The following WWOX variants were observed in gnomAD, a reference collection of about 807,000 sequenced individuals.
WWOX encodes the protein WW domain containing oxidoreductase.
WWOX carries 69 observed loss-of-function variants against 46.2 expected under a neutral mutation model. That is an observed-to-expected ratio of 1.49 (90% CI 1.23 to 1.82). The LOEUF is 1.82. WWOX is among the 40% of genes most tolerant of loss of function. WWOX has a pLI of 0.00. For synonymous variants in WWOX, 359 were observed against 202.6 expected (o/e 1.77, Z -6.56); for missense variants, 919 against 542.6 (o/e 1.69, Z -6.89).
At chr16:78,642,027 G>A (rs1040191273) in intron 8 of WWOX, among the ~76,000 whole-genome samples, 3 of 152,114 alleles carry the variant, frequency 2.0e-5, no homozygotes, top group Non-Finnish European at 2.9e-5. Context: ...AAACAGCAAC[G>A]AGTTTATTGG....
rs111277365 is a variant in WWOX at position 78,808,128 on chromosome 16, A to T, written c.1056+375376A>T. ...GGCCCAAGCAACCAGGACTCCCTGT[A>T]GTCAACCCCACTCCTCAATTTTTGG... On this transcript the variant is annotated intron_variant, in intron 8 of 8. Coordinates refer to ENST00000566780, the MANE Select transcript of WWOX (RefSeq NM_016373.4). 3.4e-3 allele frequency among the ~76,000 whole-genome samples: 518 copies of T among 152,304 alleles called. 2 individuals are homozygous for T. The highest frequency in any genetic ancestry group is 5.7e-3 in the Non-Finnish European group (387 of 68,018).
chr16:78,573,774 C>T (rs1026806857), intron 8 of WWOX, among the ~76,000 whole-genome samples: 1 of 152,062 alleles, frequency 6.6e-6, no homozygotes, highest in Admixed American at 6.5e-5. Flanking sequence ...TGCTCATTCT[C>T]GATCTCCACT....
chr16:78,932,405 G>A (rs1397651310), intron 8 of WWOX, among the ~76,000 whole-genome samples: 1 of 152,194 alleles, frequency 6.6e-6, no homozygotes, highest in African/African-American at 2.4e-5. Flanking sequence ...GCCTATGCCT[G>A]GATAAGAACA....
At chr16:78,706,234 C>T (rs915226667) in intron 8 of WWOX, among the ~76,000 whole-genome samples, 8 of 152,022 alleles carry the variant, frequency 5.3e-5, no homozygotes, top group Admixed American at 4.6e-4. Flanking sequence ...TTTTTAGATT[C>T]ACTTTTTCCT....
chr16:78,403,856 G>A lies in WWOX; in HGVS notation c.605+16908G>A, dbSNP rs553381175. ...TACTTTTGACTTCTTAGCCATGGAT[G>A]TGTTTGAAGGCTGCATGGACCTTCA... On this transcript the variant is annotated intron_variant, in intron 6 of 8. Coordinates refer to ENST00000566780, the MANE Select transcript of WWOX (RefSeq NM_016373.4). Among the ~76,000 whole-genome samples, 3 of 152,328 alleles carry A rather than the reference G, an allele frequency of 2.0e-5. No homozygotes were observed. In the South Asian group the frequency reaches 6.2e-4, roughly 32 times the overall value.
At chr16:78,686,892 T>G (rs183137482) in intron 8 of WWOX, among the ~76,000 whole-genome samples, 14 of 152,316 alleles carry the variant, frequency 9.2e-5, no homozygotes, top group Non-Finnish European at 1.6e-4. Flanking sequence ...ATTTTTCTGT[T>G]GACTGTGCAT....
chr16:78,285,382 T>C (rs1232410756), intron 5 of WWOX, among the ~76,000 whole-genome samples: 1 of 151,988 alleles, frequency 6.6e-6, no homozygotes, highest in Non-Finnish European at 1.5e-5. Context: ...AAGTTCAACA[T>C]TATAGTGAGC....
chr16:78,556,745 T>C (rs931807846), intron 8 of WWOX, among the ~76,000 whole-genome samples: 1 of 152,158 alleles, frequency 6.6e-6, no homozygotes. Context: ...AGATGGACTT[T>C]CGCTTTTTTG....
intron 8 of WWOX, among the ~76,000 whole-genome samples, chr16:78,751,461 T>TATA (rs1555528822): frequency 1.6e-3 from 208 of 128,424 alleles, no homozygotes; most frequent in African/African-American, 5.7e-3. Flanking sequence ...TTATCAGATT[T>TATA]TATATATATA....
At chr16:79,158,333 A>G (rs2050421656) in intron 8 of WWOX, among the ~76,000 whole-genome samples, 1 of 152,218 alleles carries the variant, frequency 6.6e-6, no homozygotes, top group Non-Finnish European at 1.5e-5. Context: ...TTTCAGGTGG[A>G]AAAATCACAC....
In WWOX at chr16:78,708,322, T is replaced by C. The variant is rs1263045833; in HGVS notation, c.1056+275570T>C. ...AAAAATTTTCTTTGGGATATACTTC[T>C]AAGAAATGATTTGTTGTTTATGTGA... On this transcript the variant is annotated intron_variant, in intron 8 of 8. Transcript: ENST00000566780. Among the ~76,000 whole-genome samples the C allele has an allele frequency of 3.3e-5, 5 of 152,218 alleles. No homozygotes were observed. In the East Asian group the frequency reaches 9.6e-4, roughly 29 times the overall value.
intron 8 of WWOX, among the ~76,000 whole-genome samples, chr16:79,078,469 C>T (rs1250576904): frequency 1.3e-5 from 2 of 152,124 alleles, no homozygotes; most frequent in South Asian, 2.1e-4. Flanking sequence ...AGGAGAGTCC[C>T]TTGAATGCCA....
chr16:78,133,547 C>T (rs1393614413), intron 4 of WWOX, among the ~76,000 whole-genome samples: 1 of 152,208 alleles, frequency 6.6e-6, no homozygotes, highest in Admixed American at 6.5e-5. Context: ...AGGCTCACGC[C>T]ACCATGCCTA....
intron 8 of WWOX, among the ~76,000 whole-genome samples, chr16:78,712,844 G>A (rs2048472785): frequency 6.6e-6 from 1 of 152,148 alleles, no homozygotes; most frequent in Non-Finnish European, 1.5e-5. Context: ...AAATGTTCAT[G>A]TTAAATTATT....
intron 4 of WWOX, among the ~76,000 whole-genome samples, chr16:78,120,762 C>A (rs551792966): frequency 2.1e-4 from 32 of 152,186 alleles, no homozygotes; most frequent in African/African-American, 7.0e-4. Context: ...ATTGTCACCA[C>A]GATGAATTCA....
chr16:78,624,311 C>G (rs897371082), intron 8 of WWOX, among the ~76,000 whole-genome samples: 29 of 151,640 alleles, frequency 1.9e-4, no homozygotes, highest in African/African-American at 6.8e-4. Flanking sequence ...AGGGGCTCTG[C>G]AAAGTTTCTC....
At chr16:78,435,099 T>C (rs2083304352) in intron 8 of WWOX, among the ~76,000 whole-genome samples, 2 of 152,174 alleles carry the variant, frequency 1.3e-5, no homozygotes, top group African/African-American at 4.8e-5. Flanking sequence ...TATCATGATA[T>C]CGGAGTGTTA....
chr16:78,260,824 C>T (rs1263216766), intron 5 of WWOX, among the ~76,000 whole-genome samples: 1 of 148,708 alleles, frequency 6.7e-6, no homozygotes, highest in African/African-American at 2.5e-5. Flanking sequence ...GTAATCCCAG[C>T]TATTGGGGAG....
intron 8 of WWOX, among the ~76,000 whole-genome samples, chr16:78,642,256 A>C: frequency 6.6e-6 from 1 of 152,298 alleles, no homozygotes; most frequent in East Asian, 1.9e-4. Context: ...CTGCAAGGTT[A>C]AGGAAATGGG....
Sources: gnomAD v4.1 joint callset for allele counts (sites outside exome capture counted in the v4.1 genomes callset) on GRCh38, gnomAD v4.1.1 for gene constraint, MANE v1.5 for transcripts, NCBI Gene and HGNC (gene_info 2026-07-23, HGNC 2026-07-21) for gene names.